HIVEP1: variants seen among roughly 807,000 people sequenced by gnomAD.
The protein encoded by HIVEP1 is HIVEP zinc finger 1.
A neutral mutation model predicts 180.0 loss-of-function variants in HIVEP1; 36 were observed. That is an observed-to-expected ratio of 0.20 (90% CI 0.15 to 0.26). The LOEUF (loss-of-function observed/expected upper bound fraction) is 0.26. Ranked by LOEUF, HIVEP1 falls within the 10% of genes least tolerant of loss-of-function variation. The pLI, the probability that HIVEP1 is intolerant of heterozygous loss-of-function variation, is 1.00. For missense variants in HIVEP1, 3,143 were observed against 3,268.7 expected, an observed-to-expected ratio of 0.96 and a Z score of 0.94; for synonymous variants, 1,239 against 1,239.0, an observed-to-expected ratio of 1.00 and a Z score of 0.00.
downstream of HIVEP1, among the ~76,000 whole-genome samples, chr6:12,169,146 C>T (rs1265746361): frequency 1.3e-5 from 2 of 152,182 alleles, no homozygotes; most frequent in African/African-American, 4.8e-5. Context: ...CTCGGCCTCC[C>T]AAAGTGCTGA....
rs1354446157 is a variant in HIVEP1, at chr6:12,124,725, G to T, written c.4930G>T (p.Val1644Phe). 6.2e-7 allele frequency: 1 copy of T among 1,614,124 alleles called. No homozygotes were observed. The highest frequency in any genetic ancestry group is 8.5e-7 in the Non-Finnish European group (1 of 1,180,014). Reference protein sequence around the residue: ...FMLPIRLQSSVPAYCFATLTS... With the variant: ...FMLPIRLQSSFPAYCFATLTS... Reference sequence around the variant, plus strand: ...GCTGCCCATACGCCTGCAGAGTAGTGTTCCTGCTTACTGTTTTGCTACACT... The same window carrying T: ...GCTGCCCATACGCCTGCAGAGTAGTTTTCCTGCTTACTGTTTTGCTACACT... Residue 1644 changes from valine to phenylalanine, a missense_variant, in exon 4 of 9, where the codon GTT becomes TTT. Transcript: ENST00000379388.
the HIVEP1 span, among the ~76,000 whole-genome samples, chr6:12,170,902 C>T: frequency 6.6e-6 from 1 of 152,118 alleles, no homozygotes; most frequent in Admixed American, 6.6e-5. Flanking sequence ...GAAGCAATCA[C>T]GAGTGACCCA....
intron 4 of HIVEP1, among the ~76,000 whole-genome samples, chr6:12,126,689 T>A (rs1172599643): frequency 2.0e-5 from 3 of 152,218 alleles, no homozygotes; most frequent in Non-Finnish European, 2.9e-5. Context: ...AGGAAAATAC[T>A]GCAGTATCAG....
intron 3 of HIVEP1, among the ~76,000 whole-genome samples, chr6:12,114,194 C>T (rs951373320): frequency 2.6e-5 from 4 of 152,166 alleles, no homozygotes; most frequent in Non-Finnish European, 5.9e-5. Context: ...CTCCTTCACT[C>T]CTTACTGGTA....
chr6:12,110,147 G>T (rs560023277), intron 3 of HIVEP1, among the ~76,000 whole-genome samples: 3 of 152,338 alleles, frequency 2.0e-5, no homozygotes, highest in Non-Finnish European at 2.9e-5. Context: ...TGTCATCCAG[G>T]CTTTGTTGTT....
At chr6:12,058,174 AG>A in intron 2 of HIVEP1, among the ~76,000 whole-genome samples, 1 of 152,092 alleles carries the variant, frequency 6.6e-6, no homozygotes, top group Non-Finnish European at 1.5e-5. Context: ...CTGTCATGTA[AG>A]GGGGCTTTGG....
intron 6 of HIVEP1, among the ~76,000 whole-genome samples, chr6:12,131,541 T>C (rs1758416412): frequency 6.6e-6 from 1 of 151,770 alleles, no homozygotes; most frequent in Non-Finnish European, 1.5e-5. Flanking sequence ...TTAGGACCCT[T>C]TCTGGTTTTT....
At chr6:12,049,376 A>G (rs1389103728) in intron 2 of HIVEP1, among the ~76,000 whole-genome samples, 1 of 152,120 alleles carries the variant, frequency 6.6e-6, no homozygotes, top group African/African-American at 2.4e-5. Context: ...ACCTGGAGAA[A>G]GGGGATCTGA....
chr6:12,130,128 T>G (rs1185943100), intron 5 of HIVEP1, among the ~76,000 whole-genome samples: 1 of 152,124 alleles, frequency 6.6e-6, no homozygotes, highest in African/African-American at 2.4e-5. Context: ...AGCTAAAAAC[T>G]AAATTATTAG....
intron 3 of HIVEP1, among the ~76,000 whole-genome samples, chr6:12,091,080 T>C (rs966445626): frequency 6.6e-6 from 1 of 152,120 alleles, no homozygotes; most frequent in Non-Finnish European, 1.5e-5. Flanking sequence ...TAGTTTTCCC[T>C]TTCAAATATA....
At chr6:12,172,427 G>T in the HIVEP1 span, among the ~76,000 whole-genome samples, 1 of 151,816 alleles carries the variant, frequency 6.6e-6, no homozygotes. Flanking sequence ...CCACCACCTA[G>T]ACCATAAATC....
rs765336901 is a variant in HIVEP1, at chr6:12,123,365, G to C, written c.3570G>C (p.Gly1190=). Residue 1190 remains glycine, a synonymous_variant, in exon 4 of 9, where the codon GGG becomes GGC. Coordinates refer to ENST00000379388, the MANE Select transcript of HIVEP1 (RefSeq NM_002114.4). ...SQEESHPSRD[G]SHPHQLALSD... Reference sequence around the variant, plus strand: ...AGGAAAGTCACCCTTCTCGGGACGGGTCTCATCCTCACCAGCTTGCACTAT... The same window carrying C: ...AGGAAAGTCACCCTTCTCGGGACGGCTCTCATCCTCACCAGCTTGCACTAT... 1.9e-6 allele frequency: 3 copies of C among 1,614,144 alleles called. No homozygotes were observed. In the South Asian group the frequency reaches 3.3e-5, roughly 18 times the overall value.
rs1342560396 is a variant in HIVEP1 at position 12,133,991 on chromosome 6, AAAG to A, written c.6386-1798_6386-1796del. Among the ~76,000 whole-genome samples the A allele has an allele frequency of 3.3e-5, 5 of 152,230 alleles. No homozygotes were observed. In the South Asian group the frequency reaches 6.2e-4, roughly 19 times the overall value. ...ACTCCGTCTCAACCAAAAAAAAAAA[AAAG>A]AGGACTATAGTGGACCTTATAATTT... On this transcript the variant is annotated intron_variant, in intron 6 of 8. Transcript: ENST00000379388.
At chr6:12,092,409 G>C (rs763794526) in intron 3 of HIVEP1, among the ~76,000 whole-genome samples, 3 of 152,022 alleles carry the variant, frequency 2.0e-5, no homozygotes, top group Non-Finnish European at 4.4e-5. Flanking sequence ...ACTTTTCATT[G>C]TTGTAATATT....
the HIVEP1 span, among the ~76,000 whole-genome samples, chr6:12,186,561 A>AGG: frequency 1.3e-5 from 2 of 149,590 alleles, no homozygotes; most frequent in African/African-American, 4.9e-5. Flanking sequence ...AAAAAAAAAA[A>AGG]GGCGTATACT....
chr6:12,132,847 C>CT (rs1758499569), intron 6 of HIVEP1, among the ~76,000 whole-genome samples: 4 of 152,098 alleles, frequency 2.6e-5, no homozygotes, highest in Middle Eastern at 3.4e-3. Flanking sequence ...TGACACTTCT[C>CT]TTTTTTTTAC....
intron 2 of HIVEP1, among the ~76,000 whole-genome samples, chr6:12,062,356 T>G (rs1248589437): frequency 6.6e-6 from 1 of 152,186 alleles, no homozygotes; most frequent in African/African-American, 2.4e-5. Flanking sequence ...TATTGTATAG[T>G]AAGTCTAAAT....
chr6:12,082,251 C>T (rs1772835964), intron 2 of HIVEP1, among the ~76,000 whole-genome samples: 1 of 152,032 alleles, frequency 6.6e-6, no homozygotes, highest in Non-Finnish European at 1.5e-5. Flanking sequence ...TTCTAGAAAC[C>T]TACAGTATCA....
chr6:12,201,767 G>GA, the HIVEP1 span, among the ~76,000 whole-genome samples: 1 of 152,212 alleles, frequency 6.6e-6, no homozygotes, highest in Admixed American at 6.5e-5. Context: ...GTTGGGGAGT[G>GA]AAAAAATAAC....
Sources: gnomAD v4.1 joint callset for allele counts (sites outside exome capture counted in the v4.1 genomes callset) on GRCh38, gnomAD v4.1.1 for gene constraint, MANE v1.5 for transcripts, NCBI Gene and HGNC (gene_info 2026-07-23, HGNC 2026-07-21) for gene names.